Variants in PROSER3 observed in about 807,000 individuals in gnomAD.
PROSER3 encodes the protein proline and serine-rich protein 3.
Under a neutral mutation model 50.2 loss-of-function variants are expected in PROSER3, and 33 were observed. That is an observed-to-expected ratio of 0.66 (90% CI 0.50 to 0.88). The LOEUF is 0.88. Ranked by LOEUF, PROSER3 falls within the 40% of genes least tolerant of loss-of-function variation. PROSER3 has a pLI of 0.00. For synonymous variants in PROSER3, 266 were observed against 259.3 expected (o/e 1.03, Z -0.25); for missense variants, 623 against 612.7 (o/e 1.02, Z -0.18).
chr19:35,766,667 G>A lies in PROSER3; in HGVS notation c.770-101G>A, dbSNP rs8110675. 7,330 of 794,912 alleles carry A rather than the reference G, an allele frequency of 9.2e-3. 270 individuals are homozygous for A. The highest frequency in any genetic ancestry group is 0.085 in the African/African-American group (4,878 of 57,488). 49.2% of individuals were successfully genotyped at this position (794,912 alleles called of 1,614,324 possible). ...GACAGTATCTGGAGAGCCTGTCTGAGTAACCCCCTGCACAGTTGGAGGGCG... is the reference window on the plus strand; with the variant it reads ...GACAGTATCTGGAGAGCCTGTCTGAATAACCCCCTGCACAGTTGGAGGGCG... On this transcript the variant is annotated intron_variant, in intron 7 of 10. Coordinates refer to ENST00000396908, the Ensembl canonical transcript of PROSER3.
At chr19:35,768,576 CTCT>C in exon 11 of PROSER3, 1 of 1,519,952 alleles carries the variant, frequency 6.6e-7, no homozygotes. Context: ...CCCAGTGAGG[CTCT>C]TTTTTTTTTT....
chr19:35,768,531 G>T, exon 11 of PROSER3: 2 of 1,593,758 alleles, frequency 1.3e-6, no homozygotes, highest in Non-Finnish European at 1.7e-6. Context: ...TTCCCTGGAG[G>T]CCAGAAGACT....
exon 4 of PROSER3, chr19:35,762,075 C>T: frequency 1.9e-6 from 3 of 1,611,666 alleles, no homozygotes; most frequent in Non-Finnish European, 2.5e-6. Flanking sequence ...CGCCAGCCTG[C>T]AGGCCCAACC....
chr19:35,770,108 T>C (rs997052172), downstream of PROSER3, among the ~76,000 whole-genome samples: 4 of 152,006 alleles, frequency 2.6e-5, no homozygotes, highest in Non-Finnish European at 5.9e-5. Flanking sequence ...TTTCACCATA[T>C]TGGCCAGGCT....
At chr19:35,767,075 T>C (rs1971172386) in intron 8 of PROSER3, 2 of 1,259,890 alleles carry the variant, frequency 1.6e-6, no homozygotes, top group Admixed American at 2.8e-5. Context: ...TCTACAGACC[T>C]CTCCTGCTCC....
intron 7 of PROSER3, among the ~76,000 whole-genome samples, chr19:35,766,458 A>T (rs1327846177): frequency 1.3e-5 from 2 of 152,126 alleles, no homozygotes; most frequent in African/African-American, 4.8e-5. Flanking sequence ...AGGCAGGAGG[A>T]TCGCCTGAGC....
exon 11 of PROSER3, chr19:35,768,534 A>C: frequency 1.3e-6 from 2 of 1,593,314 alleles, no homozygotes; most frequent in East Asian, 4.5e-5. Context: ...CCTGGAGGCC[A>C]GAAGACTTTG....
rs1263835076 is a variant in PROSER3 at position 35,768,020 on chromosome 19, G to T, written c.1174G>T (p.Glu392Ter). 1.3e-6 allele frequency: 2 copies of T among 1,585,306 alleles called. No individual in the cohort carries two copies. The highest frequency in any genetic ancestry group is 1.7e-6 in the Non-Finnish European group (2 of 1,167,812). ...GCCCGCTGCTGACCACGCCCCCTCG[G>T]AGGCCCTGCTTGCCCAGGCCGCCCT... The change falls in exon 9 of 11, where the codon GAG becomes TAG. Residue 392 changes from glutamate (E) to a stop codon, truncating the protein, a stop_gained. Transcript: ENST00000396908. LOFTEE classifies it high-confidence loss of function.
intron 7 of PROSER3, among the ~76,000 whole-genome samples, 177 bp from the exon 8 acceptor site, chr19:35,766,591 G>A (rs781340074): frequency 2.3e-4 from 35 of 152,030 alleles, no homozygotes; most frequent in Non-Finnish European, 2.6e-4. Flanking sequence ...AGGAGTGCTC[G>A]CTCCCCTGAC....
chr19:35,768,677 C>T, exon 11 of PROSER3: 1 of 1,174,886 alleles, frequency 8.5e-7, no homozygotes. Flanking sequence ...CCCCCATCCT[C>T]CGCTGCCCCA....
chr19:35,758,325 T>C (rs987420037), intron 1 of PROSER3, 99 bp downstream of exon 1: 13 of 1,405,804 alleles, frequency 9.2e-6, no homozygotes, highest in East Asian at 2.8e-5. Context: ...CTGGAGTCGC[T>C]AGGGCTCCAC....
intron 7 of PROSER3, among the ~76,000 whole-genome samples, chr19:35,765,849 G>A (rs1971123864): frequency 6.6e-6 from 1 of 152,156 alleles, no homozygotes; most frequent in African/African-American, 2.4e-5. Context: ...GCTGGTTGTT[G>A]CAGTTTTGAA....
At chr19:35,759,630 C>T in intron 2 of PROSER3, 159 bp from the exon 3 acceptor site, 1 of 981,042 alleles carries the variant, frequency 1.0e-6, no homozygotes, top group Non-Finnish European at 1.5e-6. Context: ...TCTCTACCAC[C>T]TGGATTCCCC....
In PROSER3 at chr19:35,767,060, A is replaced by G. The variant is rs1971171776; in HGVS notation, c.957+105A>G. Reference sequence around the variant, plus strand: ...TCTCTCTCTGTCTCAGATCTCTCTTATCTGTCTACAGACCTCTCCTGCTCC... The same window carrying G: ...TCTCTCTCTGTCTCAGATCTCTCTTGTCTGTCTACAGACCTCTCCTGCTCC... On this transcript the variant is annotated intron_variant, in intron 8 of 10. Coordinates refer to ENST00000396908, the Ensembl canonical transcript of PROSER3. The G allele has an allele frequency of 7.4e-7, 1 of 1,346,066 alleles. No individual in the cohort carries two copies. The highest frequency in any genetic ancestry group is 1.0e-6 in the Non-Finnish European group (1 of 996,568). 83.4% of individuals were successfully genotyped at this position (1,346,066 alleles called of 1,614,324 possible).
At chr19:35,768,314 C>T in intron 10 of PROSER3, 78 bp downstream of exon 10, 1 of 1,580,102 alleles carries the variant, frequency 6.3e-7, no homozygotes, top group Non-Finnish European at 8.6e-7. Context: ...ATCCAGCCCT[C>T]CTCATCCCCT....
chr19:35,761,875 G>T (rs1970961119), intron 3 of PROSER3, 144 bp from the exon 4 acceptor site: 3 of 1,031,810 alleles, frequency 2.9e-6, no homozygotes, highest in Admixed American at 6.8e-5. Context: ...ACAGTTATGT[G>T]ACTATATAAG....
At chr19:35,768,595 A>G in exon 11 of PROSER3, 1 of 1,356,926 alleles carries the variant, frequency 7.4e-7, no homozygotes, top group Non-Finnish European at 9.8e-7. Flanking sequence ...TTTTTTTCAT[A>G]CAGTTACTGG....
chr19:35,759,936 A>T, exon 3 of PROSER3: 1 of 1,607,318 alleles, frequency 6.2e-7, no homozygotes, highest in Non-Finnish European at 8.5e-7. Flanking sequence ...TGAGGGACAG[A>T]TGTGGGCCTC....
At chr19:35,768,159 C>T (rs753402718) in exon 10 of PROSER3, 2 of 1,612,940 alleles carry the variant, frequency 1.2e-6, no homozygotes, top group East Asian at 2.2e-5. Context: ...GCCCAGACTC[C>T]GACGGCAGCG....
Sources: gnomAD v4.1 joint callset for allele counts (sites outside exome capture counted in the v4.1 genomes callset) on GRCh38, gnomAD v4.1.1 for gene constraint, MANE v1.5 for transcripts, NCBI Gene and HGNC (gene_info 2026-07-23, HGNC 2026-07-21) for gene names.